Variants in ABCC11 observed in about 807,000 individuals in gnomAD.
ABCC11 encodes ATP binding cassette subfamily C member 11.
A neutral mutation model predicts 149.3 loss-of-function variants in ABCC11; 135 were observed. The observed-to-expected ratio is 0.90, with a 90% CI of 0.79 to 1.04. ABCC11 has a LOEUF of 1.04. Among genes scored for constraint, ABCC11 ranks in the 50% least tolerant of loss-of-function variants. The pLI, the probability that ABCC11 is intolerant of heterozygous loss-of-function variation, is 0.00. For synonymous variants in ABCC11, 665 were observed against 671.4 expected, an observed-to-expected ratio of 0.99 and a Z score of 0.15; for missense variants, 1,680 against 1,722.1, an observed-to-expected ratio of 0.98 and a Z score of 0.43.
chr16:48,185,979 C>T (rs2150763293), intron 22 of ABCC11, among the ~76,000 whole-genome samples: 1 of 152,324 alleles, frequency 6.6e-6, no homozygotes, highest in South Asian at 2.1e-4. Flanking sequence ...GTCCTTTTCT[C>T]TGACACCTTC....
chr16:48,201,477 T>TC (rs1967972005), intron 14 of ABCC11, among the ~76,000 whole-genome samples: 2 of 145,400 alleles, frequency 1.4e-5, no homozygotes, highest in African/African-American at 5.1e-5. Flanking sequence ...TCTTTTTCTT[T>TC]TTTTTTTTTT....
intron 1 of ABCC11, chr16:48,244,307 A>G: frequency 9.6e-7 from 1 of 1,042,300 alleles, no homozygotes; most frequent in Non-Finnish European, 1.3e-6. Flanking sequence ...GGCGGGTCTG[A>G]GGTTTGGTGA....
intron 18 of ABCC11, among the ~76,000 whole-genome samples, chr16:48,194,749 G>A (rs1040469034): frequency 2.7e-4 from 41 of 152,188 alleles, no homozygotes; most frequent in Admixed American, 7.2e-4. Context: ...CGTTCAAGGC[G>A]CCATCTTGGA....
chr16:48,222,939 T>G, intron 5 of ABCC11, 108 bp from the exon 6 acceptor site: 1 of 959,648 alleles, frequency 1.0e-6, no homozygotes, highest in South Asian at 1.6e-5. Context: ...GGGGGTTTGT[T>G]GAAGGATCAA....
chr16:48,175,722 T>A (rs1029429726), intron 25 of ABCC11, among the ~76,000 whole-genome samples: 5 of 152,212 alleles, frequency 3.3e-5, no homozygotes, highest in African/African-American at 7.2e-5. Context: ...CCAGCATTTT[T>A]AAAAATCCTA....
rs1267906464 is a variant in ABCC11, at chr16:48,187,244, A to T, written c.2890T>A (p.Leu964Ile). 6.2e-7 allele frequency: 1 copy of T among 1,614,090 alleles called. No homozygotes were observed. The highest frequency in any genetic ancestry group is 8.5e-7 in the Non-Finnish European group (1 of 1,180,038). The stretch of plus-strand genomic sequence containing the variant: ...ATAACCATGATTATGGCTCCCATTA[A>T]CAGGATATATGGAGACAGCACACTG... ...IVSVLSPYIL[L>I]MGAIIMVICF... Residue 964 changes from leucine to isoleucine, a missense_variant, in exon 21 of 30, where the codon TTA (leucine) becomes ATA (isoleucine). Coordinates refer to ENST00000356608, the MANE Select transcript of ABCC11 (RefSeq NM_001370497.1).
chr16:48,176,287 TG>T (rs1966066311), intron 25 of ABCC11, among the ~76,000 whole-genome samples: 1 of 152,096 alleles, frequency 6.6e-6, no homozygotes, highest in South Asian at 2.1e-4. Flanking sequence ...AGTGGGGGAC[TG>T]GGGACAAGAA....
intron 3 of ABCC11, among the ~76,000 whole-genome samples, chr16:48,229,655 G>A (rs986733343): frequency 2.0e-5 from 3 of 151,578 alleles, no homozygotes; most frequent in African/African-American, 7.3e-5. Context: ...TAGTAGAGAC[G>A]GGGTTTCACC....
chr16:48,190,332 C>T (rs1376594953), intron 20 of ABCC11, among the ~76,000 whole-genome samples: 1 of 151,964 alleles, frequency 6.6e-6, no homozygotes, highest in Non-Finnish European at 1.5e-5. Flanking sequence ...ATGACATTTC[C>T]AAGAAGCAGT....
At chr16:48,194,852 T>C (rs1187424007) in intron 18 of ABCC11, among the ~76,000 whole-genome samples, 1 of 152,224 alleles carries the variant, frequency 6.6e-6, no homozygotes, top group Admixed American at 6.5e-5. Context: ...AAATTTCTGT[T>C]CTTTATAAAC....
chr16:48,229,048 T>C (rs1331183028), intron 3 of ABCC11, among the ~76,000 whole-genome samples: 1 of 152,168 alleles, frequency 6.6e-6, no homozygotes, highest in East Asian at 1.9e-4. Flanking sequence ...AGAGGGACTA[T>C]GACGTCTTTT....
intron 23 of ABCC11, among the ~76,000 whole-genome samples, chr16:48,181,791 T>C (rs2150749704): frequency 6.6e-6 from 1 of 152,306 alleles, no homozygotes; most frequent in Admixed American, 6.5e-5. Context: ...TTTTGTATTT[T>C]TTTAGTAGAG....
intron 28 of ABCC11, among the ~76,000 whole-genome samples, chr16:48,168,032 A>T (rs1391387185): frequency 6.6e-6 from 1 of 152,198 alleles, no homozygotes; most frequent in Non-Finnish European, 1.5e-5. Flanking sequence ...ACATGAGATG[A>T]TTTCTCCAGC....
In ABCC11 at chr16:48,177,017, T is replaced by A. The variant is rs752187256; in HGVS notation, c.3445A>T (p.Lys1149Ter). ...ACGGTGGGTGTGTTGTCTCTGTATT[T>A]CATGTGATAATCCTGAAATATGATT... is the stretch of plus-strand genomic sequence containing the variant. ...GEIIFQDYHMKYRDNTPTVLH... is the reference protein window; with the variant it reads ...GEIIFQDYHM The change falls in exon 25 of 30, where the codon AAA becomes TAA. Residue 1149 changes from lysine (K) to a stop codon, truncating the protein, a stop_gained. Transcript: ENST00000356608. LOFTEE classifies it high-confidence loss of function. 4.3e-6 allele frequency: 7 copies of A among 1,614,096 alleles called. No homozygotes were observed. In the African/African-American group the frequency reaches 9.3e-5, roughly 22 times the overall value.
Position 48,215,269 on chromosome 16 carries a change from T to C in ABCC11, c.1027A>G (p.Ser343Gly). ...AGCTTAATGCAAGTGAGAACTTCACTGGTCACACGGATGCGCTGGTCGCTG... is the reference window on the plus strand; with the variant it reads ...AGCTTAATGCAAGTGAGAACTTCACCGGTCACACGGATGCGCTGGTCGCTG... The part of the protein sequence containing the change: ...EVSDQRIRVT[S>G]EVLTCIKLIK... Residue 343 changes from serine (S) to glycine (G), a missense_variant, in exon 8 of 30, where the codon AGT becomes GGT. Physicochemically the swap from Ser to Gly is moderately conservative, Grantham distance 56. Transcript: ENST00000356608. 1 of 1,614,166 alleles carries C rather than the reference T, an allele frequency of 6.2e-7. No homozygotes were observed. The highest frequency in any genetic ancestry group is 8.5e-7 in the Non-Finnish European group (1 of 1,179,968).
intron 20 of ABCC11, 79 bp downstream of exon 20, chr16:48,192,433 TAAAAAATA>T (rs1275790139): frequency 3.0e-5 from 43 of 1,450,470 alleles, no homozygotes; most frequent in Admixed American, 6.4e-5. Context: ...TACAGAGCTC[TAAAAAATA>T]AAAAAATAAA....
Position 48,211,299 on chromosome 16 carries a change from G to C in ABCC11, c.1357-100C>G, listed in dbSNP as rs1968908487. On this transcript the variant is annotated intron_variant, in intron 10 of 29. Coordinates refer to ENST00000356608, the MANE Select transcript of ABCC11 (RefSeq NM_001370497.1). ...CAAGTCTGCCAGTTGGTATGGTTTT[G>C]TGAATTTCTAATAAGCAGTAAAAGT... The C allele has an allele frequency of 3.5e-6, 5 of 1,428,670 alleles. No homozygotes were observed. In the South Asian group the frequency reaches 5.3e-5, roughly 15 times the overall value. The allele number at this position is 1,428,670 out of a possible 1,614,324, so 88.5% of individuals were successfully genotyped here.
intron 12 of ABCC11, among the ~76,000 whole-genome samples, chr16:48,206,156 A>T (rs1242784624): frequency 6.6e-6 from 1 of 152,128 alleles, no homozygotes; most frequent in Admixed American, 6.5e-5. Flanking sequence ...CATGGTCTTC[A>T]CCATGCACAC....
Position 48,197,984 on chromosome 16 carries a change from G to A in ABCC11, c.2301C>T (p.Leu767=), listed in dbSNP as rs1228814481. 1 of 1,614,096 alleles carries A rather than the reference G, an allele frequency of 6.2e-7. No individual in the cohort carries two copies. The highest frequency in any genetic ancestry group is 1.7e-5 in the Admixed American group (1 of 60,020). Reference sequence around the variant, plus strand: ...CCACACCATTACCAGCATTTCCGTTGAGAGACTCTTCCAGGGAGGTGGCCA... The same window carrying A: ...CCACACCATTACCAGCATTTCCGTTAAGAGACTCTTCCAGGGAGGTGGCCA... ...QALATSLEES[L]NGNAVPEHQL... Residue 767 remains leucine (L), a synonymous_variant, in exon 17 of 30, where the codon CTC becomes CTT. Coordinates refer to ENST00000356608, the MANE Select transcript of ABCC11 (RefSeq NM_001370497.1).
Sources: allele counts gnomAD v4.1 joint callset (sites outside exome capture counted in the v4.1 genomes callset), GRCh38; gene constraint gnomAD v4.1.1; transcripts MANE v1.5; gene names NCBI Gene and HGNC (gene_info 2026-07-23, HGNC 2026-07-21).